Variants in SANBR observed in about 807,000 individuals in gnomAD.
SANBR encodes the protein SANT and BTB domain regulator of class switch recombination.
SANBR carries 77 observed loss-of-function variants against 101.8 expected under a neutral mutation model. The observed-to-expected ratio is 0.76, with a 90% CI of 0.63 to 0.91. The LOEUF (loss-of-function observed/expected upper bound fraction) is 0.91, where lower values mean the gene tolerates loss of function less well. Among genes scored for constraint, SANBR ranks in the 40% least tolerant of loss-of-function variants. The probability of loss-of-function intolerance (pLI) is 0.00; values close to 1 mark genes in which losing one functional copy is unlikely to be tolerated. For synonymous variants in SANBR, 279 were observed against 274.7 expected, an observed-to-expected ratio of 1.02 and a Z score of -0.15; for missense variants, 875 against 853.0, an observed-to-expected ratio of 1.03 and a Z score of -0.32.
At chr2:61,089,000 A>G in intron 10 of SANBR, 1 of 914,172 alleles carries the variant, frequency 1.1e-6, no homozygotes. Context: ...TACACATTAA[A>G]ATGATAAAAA....
intron 12 of SANBR, among the ~76,000 whole-genome samples, chr2:61,101,322 T>G (rs1683270405): frequency 6.6e-6 from 1 of 152,256 alleles, no homozygotes; most frequent in Non-Finnish European, 1.5e-5. Flanking sequence ...TCTAACCACA[T>G]TAATTTCTAC....
At chr2:61,086,803 A>G (rs189784742) in intron 8 of SANBR, among the ~76,000 whole-genome samples, 1 of 152,334 alleles carries the variant, frequency 6.6e-6, no homozygotes. Flanking sequence ...AGAATGATCC[A>G]TTAGGAATAA....
chr2:61,117,997 A>G, intron 19 of SANBR, 31 bp from the exon 20 acceptor site: 2 of 1,539,808 alleles, frequency 1.3e-6, no homozygotes, highest in Non-Finnish European at 1.8e-6. Context: ...ATCCTTATGA[A>G]AAGTAAAGTT....
intron 17 of SANBR, among the ~76,000 whole-genome samples, chr2:61,116,537 A>T (rs1361075111): frequency 6.6e-6 from 1 of 152,180 alleles, no homozygotes; most frequent in African/African-American, 2.4e-5. Context: ...ATATTTAAAA[A>T]TAATTCTTAT....
intron 8 of SANBR, among the ~76,000 whole-genome samples, chr2:61,085,516 C>CT (rs770973164): frequency 0.021 from 3,037 of 146,356 alleles, 107 homozygotes; most frequent in African/African-American, 0.07. Flanking sequence ...GTTACACTGT[C>CT]TTTTTTTTTT....
At chr2:61,081,958 C>G (rs1682158198) in intron 7 of SANBR, among the ~76,000 whole-genome samples, 1 of 151,682 alleles carries the variant, frequency 6.6e-6, no homozygotes, top group Non-Finnish European at 1.5e-5. Context: ...CAGAATACTC[C>G]TTTTCTATGT....
Position 61,104,720 on chromosome 2 carries a change from A to T in SANBR, c.1511+722A>T, listed in dbSNP as rs151022108. ...TTCAGTAATTTCTGAAGTCGCGTTC[A>T]TCATTTTGCAATGGCAGCAGGTTGT... On this transcript the variant is annotated intron_variant, in intron 13 of 21. Transcript: ENST00000402291. Among the ~76,000 whole-genome samples the T allele has an allele frequency of 2.8e-3, 423 of 152,270 alleles. 2 individuals are homozygous for T. The highest frequency in any genetic ancestry group is 8.6e-3 in the African/African-American group (356 of 41,560).
intron 20 of SANBR, among the ~76,000 whole-genome samples, chr2:61,120,682 AC>A (rs1438791401): frequency 6.6e-6 from 1 of 152,162 alleles, no homozygotes; most frequent in Non-Finnish European, 1.5e-5. Context: ...CCTTGATCGC[AC>A]CACTGCACTC....
chr2:61,133,655 T>G (rs1162845615), intron 20 of SANBR, among the ~76,000 whole-genome samples: 4 of 152,132 alleles, frequency 2.6e-5, no homozygotes, highest in Admixed American at 2.0e-4. Context: ...GGATAAACCT[T>G]GAAAACATGC....
intron 12 of SANBR, among the ~76,000 whole-genome samples, chr2:61,102,073 T>C (rs192663775): frequency 1.3e-4 from 19 of 151,000 alleles, no homozygotes; most frequent in Admixed American, 9.9e-4. Flanking sequence ...TTTGTCGATA[T>C]ATATGTTGCT....
At chr2:61,119,400 A>G (rs2104968376) in intron 20 of SANBR, among the ~76,000 whole-genome samples, 1 of 152,322 alleles carries the variant, frequency 6.6e-6, no homozygotes, top group Admixed American at 6.5e-5. Flanking sequence ...TAAAATTTCT[A>G]CTTTTCAAAA....
downstream of SANBR, chr2:61,124,317 C>G: frequency 1.1e-6 from 1 of 920,778 alleles, no homozygotes; most frequent in Non-Finnish European, 1.3e-6. Flanking sequence ...ATTATTCCAT[C>G]TTCTCAGAAA....
At chr2:61,072,937 C>T (rs978249276) in intron 4 of SANBR, among the ~76,000 whole-genome samples, 1 of 148,912 alleles carries the variant, frequency 6.7e-6, no homozygotes. Context: ...AGCAATCCTC[C>T]TGCCGCAGCC....
downstream of SANBR, among the ~76,000 whole-genome samples, chr2:61,127,569 G>C (rs1373037815): frequency 6.6e-6 from 1 of 152,158 alleles, no homozygotes; most frequent in African/African-American, 2.4e-5. Context: ...TGGGGAAGAT[G>C]CTATGGAATT....
chr2:61,114,604 G>A (rs1175640222), intron 16 of SANBR, among the ~76,000 whole-genome samples: 1 of 152,022 alleles, frequency 6.6e-6, no homozygotes, highest in Non-Finnish European at 1.5e-5. Context: ...CACTGCATTG[G>A]ACTTGCATAT....
At chr2:61,083,991 C>G (rs1197613739) in intron 8 of SANBR, among the ~76,000 whole-genome samples, 1 of 152,128 alleles carries the variant, frequency 6.6e-6, no homozygotes, top group African/African-American at 2.4e-5. Flanking sequence ...GACGGTCTCT[C>G]TCTGTCGCCC....
chr2:61,072,584 A>G (rs7608711), intron 4 of SANBR, among the ~76,000 whole-genome samples: 9,542 of 152,094 alleles, frequency 0.063, 1,040 homozygotes, highest in African/African-American at 0.22. Flanking sequence ...CTGTAAAAAA[A>G]TTTAAACATT....
chr2:61,081,410 G>A, intron 6 of SANBR, 42 bp from the exon 7 acceptor site: 2 of 1,552,278 alleles, frequency 1.3e-6, no homozygotes, highest in Non-Finnish European at 1.7e-6. Context: ...AGGAGATTGG[G>A]GTACCCATCA....
intron 13 of SANBR, among the ~76,000 whole-genome samples, 161 bp downstream of exon 13, chr2:61,104,159 G>GATATTT (rs1181427951): frequency 6.6e-6 from 1 of 152,156 alleles, no homozygotes; most frequent in East Asian, 1.9e-4. Flanking sequence ...AGAGCAGACA[G>GATATTT]ATATTTATAT....
Sources: allele counts gnomAD v4.1 joint callset (sites outside exome capture counted in the v4.1 genomes callset), GRCh38; gene constraint gnomAD v4.1.1; transcripts MANE v1.5; gene names NCBI Gene and HGNC (gene_info 2026-07-23, HGNC 2026-07-21).